Variants in SNX9 observed in about 807,000 individuals in gnomAD.
SNX9 encodes sorting nexin-9.
A neutral mutation model predicts 89.4 loss-of-function variants in SNX9; 44 were observed. The observed-to-expected ratio is 0.49, with a 90% CI of 0.39 to 0.63. SNX9 has a LOEUF of 0.63. SNX9 is among the 30% of genes least tolerant of loss of function. The probability of loss-of-function intolerance (pLI) is 0.00; values close to 1 mark genes in which losing one functional copy is unlikely to be tolerated. For missense variants in SNX9, 578 were observed against 736.1 expected (o/e 0.79, Z 2.49); for synonymous variants, 236 against 247.8 (o/e 0.95, Z 0.45).
At chr6:157,891,299 G>A (rs1782855041) in intron 4 of SNX9, among the ~76,000 whole-genome samples, 1 of 152,120 alleles carries the variant, frequency 6.6e-6, no homozygotes, top group African/African-American at 2.4e-5. Context: ...AAAATGTTGG[G>A]ATTACAAGTG....
intron 1 of SNX9, among the ~76,000 whole-genome samples, chr6:157,863,334 G>A (rs1436603022): frequency 3.3e-5 from 5 of 152,220 alleles, no homozygotes; most frequent in African/African-American, 4.8e-5. Context: ...TGGTATTCTA[G>A]TGTCTGGAGC....
chr6:157,834,157 T>TTTTG (rs1781531202), intron 1 of SNX9, among the ~76,000 whole-genome samples: 2 of 79,950 alleles, frequency 2.5e-5, no homozygotes, highest in African/African-American at 5.5e-5. Context: ...GTGGTTTTTT[T>TTTTG]TTTTTTTTTT....
chr6:157,829,871 G>A (rs532484701), intron 1 of SNX9, among the ~76,000 whole-genome samples: 18 of 152,088 alleles, frequency 1.2e-4, no homozygotes, highest in African/African-American at 4.3e-4. Flanking sequence ...TGATATATTT[G>A]GATTTCTGTC....
intron 9 of SNX9, among the ~76,000 whole-genome samples, chr6:157,919,953 CTGTT>C (rs150798579): frequency 0.011 from 1,710 of 151,602 alleles, 21 homozygotes; most frequent in Admixed American, 0.032. Context: ...TCAGTTATTG[CTGTT>C]TGTTTGTTTG....
chr6:157,866,629 GT>G (rs1159770065), intron 1 of SNX9, among the ~76,000 whole-genome samples: 1 of 152,148 alleles, frequency 6.6e-6, no homozygotes, highest in Non-Finnish European at 1.5e-5. Context: ...AATCATGGCT[GT>G]TTAGGTAACT....
intron 1 of SNX9, among the ~76,000 whole-genome samples, chr6:157,837,145 C>T (rs113979519): frequency 4.6e-5 from 7 of 152,224 alleles, no homozygotes; most frequent in African/African-American, 1.7e-4. Context: ...ATCACAGATC[C>T]GTAAAATATT....
At chr6:157,887,579 C>T (rs1178226128) in intron 4 of SNX9, among the ~76,000 whole-genome samples, 1 of 152,142 alleles carries the variant, frequency 6.6e-6, no homozygotes, top group Non-Finnish European at 1.5e-5. Context: ...TGAATGGGCA[C>T]TTGTGGGCTT....
chr6:157,837,799 G>A (rs1046271379), intron 1 of SNX9, among the ~76,000 whole-genome samples: 1 of 152,206 alleles, frequency 6.6e-6, no homozygotes, highest in Non-Finnish European at 1.5e-5. Flanking sequence ...AATAAGAGAA[G>A]GGCAGCAGAT....
In SNX9 at chr6:157,823,280, C is replaced by T; in HGVS notation, c.-155C>T. The T allele has an allele frequency of 2.1e-6, 1 of 466,182 alleles. No homozygotes were observed. The highest frequency in any genetic ancestry group is 2.1e-5 in the African/African-American group (1 of 47,502). The allele number at this position is 466,182 out of a possible 1,614,324, so 28.9% of individuals were successfully genotyped here. A position where few individuals can be genotyped will look rare whatever the true frequency, so the allele number is the denominator to read the frequency against. On this transcript the variant is annotated 5_prime_UTR_variant, in exon 1 of 18. Coordinates refer to ENST00000392185, the MANE Select transcript of SNX9 (RefSeq NM_016224.5). The surrounding 1 kb of genome is among the most constrained non-coding windows in gnomAD (Gnocchi z 4.6). ...CGAGCGCCCAGCGGCTGGGCCTGAG[C>T]GTCGAGACTCGGGGCCGAGGCGGAG... is the stretch of plus-strand genomic sequence containing the variant.
At chr6:157,901,104 G>T (rs1783087605) in intron 5 of SNX9, among the ~76,000 whole-genome samples, 1 of 152,170 alleles carries the variant, frequency 6.6e-6, no homozygotes, top group Non-Finnish European at 1.5e-5. Flanking sequence ...CTCCCTGACT[G>T]CACATCCATT....
chr6:157,899,633 G>T (rs1481575188), intron 5 of SNX9, among the ~76,000 whole-genome samples: 1 of 152,100 alleles, frequency 6.6e-6, no homozygotes, highest in South Asian at 2.1e-4. Context: ...AATTAGCCGG[G>T]TGTGGTGGCA....
intron 4 of SNX9, among the ~76,000 whole-genome samples, chr6:157,882,324 C>A (rs1412392282): frequency 6.6e-6 from 1 of 152,220 alleles, no homozygotes. Flanking sequence ...AATATTACTG[C>A]TCATTGACAA....
At chr6:157,918,005 C>T (rs895542853) in intron 9 of SNX9, among the ~76,000 whole-genome samples, 2 of 152,032 alleles carry the variant, frequency 1.3e-5, no homozygotes, top group Non-Finnish European at 2.9e-5. Context: ...AGTCCTCTTA[C>T]ATTTATTGAG....
chr6:157,883,262 A>C (rs1782664820), intron 4 of SNX9, among the ~76,000 whole-genome samples: 1 of 152,238 alleles, frequency 6.6e-6, no homozygotes. Flanking sequence ...CTTATACGGT[A>C]TAGTGTAACC....
At chr6:157,857,533 C>T (rs1295705137) in intron 1 of SNX9, among the ~76,000 whole-genome samples, 1 of 151,888 alleles carries the variant, frequency 6.6e-6, no homozygotes, top group Non-Finnish European at 1.5e-5. Context: ...TCATTTTTTT[C>T]CTTCAGATAG....
At chr6:157,919,476 A>G (rs1322520771) in intron 9 of SNX9, among the ~76,000 whole-genome samples, 2 of 151,770 alleles carry the variant, frequency 1.3e-5, no homozygotes, top group Admixed American at 1.3e-4. Flanking sequence ...TGCTACCTTA[A>G]ATCTTATGTT....
intron 4 of SNX9, among the ~76,000 whole-genome samples, chr6:157,876,007 T>G (rs1344255007): frequency 6.6e-6 from 1 of 151,854 alleles, no homozygotes; most frequent in Non-Finnish European, 1.5e-5. Context: ...AAAAAAAGAA[T>G]TAAAATATTG....
Position 157,868,192 on chromosome 6 carries a change from T to G in SNX9, c.99+559T>G, listed in dbSNP as rs370240512. Among the ~76,000 whole-genome samples the G allele has an allele frequency of 5.9e-5, 9 of 152,238 alleles. No individual in the cohort carries two copies. The East Asian group carries it at 1.3e-3, about 23-fold the overall frequency. On this transcript the variant is annotated intron_variant, in intron 2 of 17. Coordinates refer to ENST00000392185, the MANE Select transcript of SNX9 (RefSeq NM_016224.5). ...GCTCAGCTCCCAGTGGAGTTCTCTT[T>G]GCTGAATTACAAGTTATTGCCTCAG...
At chr6:157,935,890 C>T (rs1783913559) in intron 13 of SNX9, 74 bp from the exon 14 acceptor site, 1 of 1,049,218 alleles carries the variant, frequency 9.5e-7, no homozygotes, top group Non-Finnish European at 1.3e-6. Context: ...CCAATAAAAT[C>T]AATAATAAAA....
Sources: allele counts gnomAD v4.1 joint callset (sites outside exome capture counted in the v4.1 genomes callset), GRCh38; gene constraint gnomAD v4.1.1; non-coding constraint Gnocchi (gnomAD v3.1); transcripts MANE v1.5; gene names NCBI Gene and HGNC (gene_info 2026-07-23, HGNC 2026-07-21).